DNM3: variants seen among roughly 807,000 people sequenced by gnomAD.
DNM3 encodes dynamin-3.
Under a neutral mutation model 101.6 loss-of-function variants are expected in DNM3, and 47 were observed. That is an observed-to-expected ratio of 0.46 (90% confidence interval 0.37 to 0.59). The LOEUF (loss-of-function observed/expected upper bound fraction) is 0.59. DNM3 is among the 20% of genes least tolerant of loss of function. DNM3 has a pLI of 0.00. For synonymous variants in DNM3, 385 were observed against 387.9 expected (o/e 0.99, Z 0.09); for missense variants, 849 against 1,085.7 (o/e 0.78, Z 3.06).
At chr1:172,047,018 A>AAGTT (rs58917366) in intron 9 of DNM3, among the ~76,000 whole-genome samples, 2 of 151,776 alleles carry the variant, frequency 1.3e-5, no homozygotes, top group African/African-American at 4.8e-5. Context: ...TGGTTATTAT[A>AAGTT]TGCCTGTAAG....
chr1:172,112,852 C>T (rs1374727013), intron 13 of DNM3, among the ~76,000 whole-genome samples: 2 of 152,190 alleles, frequency 1.3e-5, no homozygotes, highest in Non-Finnish European at 2.9e-5. Flanking sequence ...ATTAGTGAGA[C>T]ATCCATGTAA....
At chr1:172,024,422 A>G (rs1018885869) in intron 4 of DNM3, among the ~76,000 whole-genome samples, 1 of 152,242 alleles carries the variant, frequency 6.6e-6, no homozygotes, top group Non-Finnish European at 1.5e-5. Flanking sequence ...GCTATATTTT[A>G]TAAGGAGGTT....
intron 13 of DNM3, among the ~76,000 whole-genome samples, chr1:172,106,084 T>G (rs2054991975): frequency 6.6e-6 from 1 of 152,210 alleles, no homozygotes; most frequent in Non-Finnish European, 1.5e-5. Flanking sequence ...TGGGAATTTT[T>G]TAGTCTTTTA....
At chr1:171,881,232 A>G (rs12755611) in intron 1 of DNM3, among the ~76,000 whole-genome samples, 64,820 of 152,000 alleles carry the variant, frequency 0.43, 13,960 homozygotes, top group African/African-American at 0.44. Context: ...ATTACCATTC[A>G]TAGATAAAAT....
chr1:172,340,663 G>C (rs1286795032), intron 17 of DNM3, among the ~76,000 whole-genome samples: 2 of 152,216 alleles, frequency 1.3e-5, no homozygotes, highest in Admixed American at 1.3e-4. Flanking sequence ...TCAATGCAAT[G>C]AGACATTTCA....
At chr1:172,318,297 A>G (rs1412663115) in intron 16 of DNM3, among the ~76,000 whole-genome samples, 1 of 151,696 alleles carries the variant, frequency 6.6e-6, no homozygotes, top group African/African-American at 2.4e-5. Flanking sequence ...ATGGGCAAAA[A>G]CTGGAAGCAT....
intron 15 of DNM3, among the ~76,000 whole-genome samples, chr1:172,301,256 C>A (rs888637510): frequency 1.3e-5 from 2 of 152,160 alleles, no homozygotes; most frequent in Non-Finnish European, 2.9e-5. Flanking sequence ...AATTCCAGCA[C>A]TTTAGGAGGT....
Position 172,210,314 on chromosome 1 carries a change from CTTTTTTT to C in DNM3, c.1660-43241_1660-43235del, listed in dbSNP as rs11330467. 7.1e-3 allele frequency among the ~76,000 whole-genome samples: 600 copies of C among 84,916 alleles called. 12 individuals carry two copies. The highest frequency in any genetic ancestry group is 0.022 in the African/African-American group (563 of 26,086). 55.7% of individuals were successfully genotyped at this position (84,916 alleles called of 152,430 possible). A position where few individuals can be genotyped will look rare whatever the true frequency, so the allele number is the denominator to read the frequency against. On this transcript the variant is annotated intron_variant, in intron 14 of 20. Coordinates refer to ENST00000627582, the MANE Select transcript of DNM3 (RefSeq NM_015569.5). Reference sequence around the variant, plus strand: ...AGGTAATTAAGAGTAAGAGAGCGTGCTTTTTTTTTTTTTTTTTTTTTTTTGCCTGTTT... The same window carrying C: ...AGGTAATTAAGAGTAAGAGAGCGTGCTTTTTTTTTTTTTTTTTGCCTGTTT...
rs1252283862 is a variant in DNM3, at chr1:172,308,858, T to C, written c.1881+19T>C. 1 of 1,432,992 alleles carries C rather than the reference T, an allele frequency of 7.0e-7. No homozygotes were observed. The highest frequency in any genetic ancestry group is 9.7e-7 in the Non-Finnish European group (1 of 1,027,620). 88.8% of individuals were successfully genotyped at this position (1,432,992 alleles called of 1,614,324 possible). ...ATCTGTAGTAAGTTGGATATATCTCTTATGTAAAAATTATTATTAGCTATG... is the reference window on the plus strand; with the variant it reads ...ATCTGTAGTAAGTTGGATATATCTCCTATGTAAAAATTATTATTAGCTATG... On this transcript the variant is annotated intron_variant, in intron 16 of 20. Coordinates refer to ENST00000627582, the MANE Select transcript of DNM3 (RefSeq NM_015569.5).
At chr1:172,244,077 C>A (rs934288586) in intron 14 of DNM3, among the ~76,000 whole-genome samples, 1 of 152,048 alleles carries the variant, frequency 6.6e-6, no homozygotes, top group African/African-American at 2.4e-5. Flanking sequence ...CGTGTGATCT[C>A]ATTGTTCAAT....
chr1:171,957,956 C>T (rs113790749), intron 2 of DNM3, among the ~76,000 whole-genome samples: 34 of 152,278 alleles, frequency 2.2e-4, no homozygotes, highest in African/African-American at 7.0e-4. Flanking sequence ...ATAGCAGTGC[C>T]GCAGTCCACC....
chr1:172,132,980 C>A (rs2057022495), intron 14 of DNM3: 1 of 1,540,028 alleles, frequency 6.5e-7, no homozygotes, highest in Admixed American at 2.1e-5. Flanking sequence ...TGTTGAGCTC[C>A]AGAGCCTATG....
At chr1:172,119,239 G>A (rs1288309476) in intron 13 of DNM3, among the ~76,000 whole-genome samples, 2 of 151,926 alleles carry the variant, frequency 1.3e-5, no homozygotes, top group African/African-American at 2.4e-5. Flanking sequence ...TGGTCCGCCC[G>A]CCTCAGTCTC....
chr1:171,928,807 T>A (rs531878872), intron 2 of DNM3, among the ~76,000 whole-genome samples: 1 of 152,224 alleles, frequency 6.6e-6, no homozygotes, highest in African/African-American at 2.4e-5. Flanking sequence ...GATATGGGAA[T>A]GGGCACCCAT....
chr1:172,234,504 G>T (rs1398867197), intron 14 of DNM3, among the ~76,000 whole-genome samples: 5 of 152,086 alleles, frequency 3.3e-5, no homozygotes, highest in Non-Finnish European at 7.4e-5. Flanking sequence ...AGCTACCAAT[G>T]ACTTTCTTCA....
intron 14 of DNM3, among the ~76,000 whole-genome samples, chr1:172,169,887 A>G (rs1055709924): frequency 6.6e-6 from 1 of 151,892 alleles, no homozygotes; most frequent in Non-Finnish European, 1.5e-5. Context: ...CTTCTTTTGA[A>G]GAATTTTGAT....
At chr1:172,246,439 G>T (rs770906026) in intron 14 of DNM3, among the ~76,000 whole-genome samples, 2 of 152,000 alleles carry the variant, frequency 1.3e-5, no homozygotes, top group African/African-American at 2.4e-5. Context: ...GATGGGAAAA[G>T]ACAAGAAGGC....
intron 14 of DNM3, among the ~76,000 whole-genome samples, chr1:172,243,634 C>A (rs2061829850): frequency 6.6e-6 from 1 of 152,126 alleles, no homozygotes; most frequent in Admixed American, 6.5e-5. Context: ...GGTCTAAAGA[C>A]CGTGGAGTTT....
intron 14 of DNM3, among the ~76,000 whole-genome samples, chr1:172,189,017 A>G (rs114411274): frequency 0.057 from 8,662 of 152,154 alleles, 321 homozygotes; most frequent in Middle Eastern, 0.12. Context: ...TCTGTGATGC[A>G]TTTTGAATTA....
Sources: allele counts gnomAD v4.1 joint callset (sites outside exome capture counted in the v4.1 genomes callset), GRCh38; gene constraint gnomAD v4.1.1; transcripts MANE v1.5; gene names NCBI Gene and HGNC (gene_info 2026-07-23, HGNC 2026-07-21).